DIP2C: variants seen among roughly 807,000 people sequenced by gnomAD.
DIP2C encodes the protein disco-interacting protein 2 homolog C.
DIP2C carries 33 observed loss-of-function variants against 192.4 expected under a neutral mutation model. The ratio of observed to expected loss-of-function variants is 0.17; its 90% CI spans 0.13 to 0.23. The LOEUF is 0.23. Ranked by LOEUF, DIP2C falls within the 10% of genes least tolerant of loss-of-function variation. The pLI is 1.00. For missense variants in DIP2C, 1,537 were observed against 2,110.1 expected, an observed-to-expected ratio of 0.73 and a Z score of 5.32; for synonymous variants, 979 against 864.1, an observed-to-expected ratio of 1.13 and a Z score of -2.33.
At position 474,606 on chromosome 10, in the gene DIP2C, CCCT is replaced by C. The variant is rs1970914669; in HGVS notation, c.158-2060_158-2058del. 2.0e-5 allele frequency among the ~76,000 whole-genome samples: 3 copies of C among 152,064 alleles called. No homozygotes were observed. In the South Asian group the frequency reaches 6.2e-4, roughly 32 times the overall value. On this transcript the variant is annotated intron_variant, in intron 2 of 36. Transcript: ENST00000280886. ...ACTTGTTCTCATGCTCTTCAATGCC[CCCT>C]CGTCTCTCCACACTCCCGTGCTAAA...
At chr10:291,091 G>A (rs1349427944) in intron 32 of DIP2C, among the ~76,000 whole-genome samples, 1 of 152,236 alleles carries the variant, frequency 6.6e-6, no homozygotes, top group East Asian at 1.9e-4. Context: ...CTTGGCCTGT[G>A]CCCAGCCACT....
intron 10 of DIP2C, among the ~76,000 whole-genome samples, chr10:392,353 A>C (rs1963535190): frequency 1.3e-5 from 2 of 152,164 alleles, no homozygotes; most frequent in African/African-American, 4.8e-5. Context: ...TGGAATGCTG[A>C]CCTCAGGCCA....
chr10:491,661 T>C (rs1209681310), intron 1 of DIP2C, among the ~76,000 whole-genome samples: 1 of 152,186 alleles, frequency 6.6e-6, no homozygotes, highest in African/African-American at 2.4e-5. Context: ...ATATTGGAGA[T>C]AGCACCTATC....
At chr10:516,025 C>CT (rs1301478538) in intron 1 of DIP2C, among the ~76,000 whole-genome samples, 2 of 151,370 alleles carry the variant, frequency 1.3e-5, no homozygotes, top group African/African-American at 2.4e-5. Context: ...GGTGAAGGGG[C>CT]TTCCCCAGGA....
chr10:500,315 G>A (rs903921956), intron 1 of DIP2C, among the ~76,000 whole-genome samples: 1 of 152,370 alleles, frequency 6.6e-6, no homozygotes, highest in East Asian at 1.9e-4. Flanking sequence ...ACCAGCCCTT[G>A]GCTGCTCCAG....
At chr10:645,079 A>C (rs1855382202) in intron 1 of DIP2C, among the ~76,000 whole-genome samples, 1 of 152,210 alleles carries the variant, frequency 6.6e-6, no homozygotes, top group African/African-American at 2.4e-5. Context: ...CATGGAAATA[A>C]AGGGGAAAAG....
rs199958237 is a variant in DIP2C, at chr10:662,649, A to AT, written c.85+26844dup. 719 of 561,654 alleles carry AT rather than the reference A, an allele frequency of 1.3e-3. 2 individuals carry two copies. Among genetic ancestry groups the AT allele is most frequent in the African/African-American group, 9.6e-3 (513 of 53,238 alleles). 34.8% of individuals were successfully genotyped at this position (561,654 alleles called of 1,614,324 possible). ...CCTTTCAAAGACTTGATATGGGGGA[A>AT]TTTTTTTTTCTTTTTCATCTTTTTA... On this transcript the variant is annotated intron_variant, in intron 1 of 36. Transcript: ENST00000280886.
chr10:551,926 C>A (rs1281258175), intron 1 of DIP2C, among the ~76,000 whole-genome samples: 1 of 152,224 alleles, frequency 6.6e-6, no homozygotes, highest in Non-Finnish European at 1.5e-5. Flanking sequence ...ACACCCAGGA[C>A]ACCCCTGCCA....
intron 1 of DIP2C, among the ~76,000 whole-genome samples, chr10:660,573 A>G (rs952469878): frequency 1.3e-5 from 2 of 152,252 alleles, no homozygotes; most frequent in African/African-American, 4.8e-5. Context: ...CGAAACAGAC[A>G]AAGGGCACAG....
At chr10:625,148 T>C (rs1281304503) in intron 1 of DIP2C, among the ~76,000 whole-genome samples, 3 of 152,076 alleles carry the variant, frequency 2.0e-5, no homozygotes, top group Non-Finnish European at 4.4e-5. Context: ...CCTCAGCGGG[T>C]CACTGTTTAC....
rs140375826 is a variant in DIP2C, at chr10:277,427, G to A, written c.4569C>T (p.Gly1523=). ...IVGVVVVVDI[G]VIPINSRGEK... Reference sequence around the variant, plus strand: ...CCCCACGGGAGTTGATGGGGATGACGCCGATGTCCACCACGACCACCACTC... The same window carrying A: ...CCCCACGGGAGTTGATGGGGATGACACCGATGTCCACCACGACCACCACTC... The change falls in exon 37 of 37, where the codon GGC becomes GGT. Residue 1523 remains glycine (G), a synonymous_variant. Transcript: ENST00000280886. The A allele has an allele frequency of 4.0e-4, 638 of 1,614,132 alleles. No individual in the cohort carries two copies. In the African/African-American group the frequency reaches 7.1e-3, roughly 18 times the overall value.
intron 18 of DIP2C, among the ~76,000 whole-genome samples, chr10:366,938 C>T (rs565334893): frequency 6.6e-5 from 10 of 152,302 alleles, no homozygotes; most frequent in African/African-American, 2.2e-4. Context: ...CTTTGCCCAA[C>T]AACATCCTAC....
intron 26 of DIP2C, 109 bp downstream of exon 26, chr10:348,532 C>T: frequency 6.6e-7 from 1 of 1,524,670 alleles, no homozygotes; most frequent in Non-Finnish European, 8.8e-7. Context: ...CAGACACACC[C>T]CGGCTTCCAC....
intron 1 of DIP2C, among the ~76,000 whole-genome samples, chr10:670,161 C>A (rs564458430): frequency 1.3e-5 from 2 of 152,026 alleles, no homozygotes; most frequent in African/African-American, 4.8e-5. Flanking sequence ...TATGCACGTG[C>A]GCACATGCAT....
chr10:660,842 G>A (rs536657615), intron 1 of DIP2C, among the ~76,000 whole-genome samples: 4 of 152,240 alleles, frequency 2.6e-5, no homozygotes, highest in Admixed American at 6.5e-5. Flanking sequence ...CCCATGAAGC[G>A]TGGCCGAGAG....
intron 1 of DIP2C, among the ~76,000 whole-genome samples, chr10:579,844 CTG>C (rs1434184079): frequency 1.3e-5 from 2 of 152,012 alleles, no homozygotes; most frequent in Non-Finnish European, 2.9e-5. Context: ...GTACACACAT[CTG>C]TACAGTGTAC....
At chr10:501,785 C>T (rs1250898718) in intron 1 of DIP2C, among the ~76,000 whole-genome samples, 3 of 152,118 alleles carry the variant, frequency 2.0e-5, no homozygotes, top group Non-Finnish European at 4.4e-5. Flanking sequence ...GACCACAGGC[C>T]AGGCACTGTG....
chr10:557,576 G>A (rs1050287667), intron 1 of DIP2C, among the ~76,000 whole-genome samples: 7 of 146,062 alleles, frequency 4.8e-5, no homozygotes, highest in South Asian at 2.3e-4. Context: ...TCACAAAGTC[G>A]TTACAAGCTC....
chr10:329,551 G>T lies in DIP2C; in HGVS notation c.3635C>A (p.Thr1212Asn). The T allele has an allele frequency of 6.2e-7, 1 of 1,614,224 alleles. No homozygotes were observed. Among genetic ancestry groups the T allele is most frequent in the East Asian group, 2.2e-5 (1 of 44,880 alleles). Residue 1212 changes from threonine (T) to asparagine (N), a missense_variant, in exon 30 of 37, where the codon ACC (threonine) becomes AAC (asparagine). Coordinates refer to ENST00000280886, the MANE Select transcript of DIP2C (RefSeq NM_014974.3). The part of the protein sequence containing the change: ...SILIPPSELE[T>N]NPALWLLAVS... ...GGCAAGAAGCCACAAGGCGGGGTTGGTTTCCAGCTCAGAGGGCGGGATCAG... is the reference window on the plus strand; with the variant it reads ...GGCAAGAAGCCACAAGGCGGGGTTGTTTTCCAGCTCAGAGGGCGGGATCAG...
Sources: allele counts gnomAD v4.1 joint callset (sites outside exome capture counted in the v4.1 genomes callset), GRCh38; gene constraint gnomAD v4.1.1; transcripts MANE v1.5; gene names NCBI Gene and HGNC (gene_info 2026-07-23, HGNC 2026-07-21).